CAMTA1: variants seen among roughly 807,000 people sequenced by gnomAD.
CAMTA1 encodes the protein calmodulin-binding transcription activator 1.
Under a neutral mutation model 170.9 loss-of-function variants are expected in CAMTA1, and 27 were observed. The observed-to-expected ratio is 0.16, with a 90% CI of 0.12 to 0.22. CAMTA1 has a LOEUF of 0.22. CAMTA1 is among the 10% of genes least tolerant of loss of function. The pLI is 1.00. For missense variants in CAMTA1, 1,619 were observed against 2,217.2 expected, an observed-to-expected ratio of 0.73 and a Z score of 5.42; for synonymous variants, 833 against 891.5, an observed-to-expected ratio of 0.93 and a Z score of 1.17.
At chr1:7,080,936 G>A (rs1053759629) in intron 3 of CAMTA1, among the ~76,000 whole-genome samples, 7 of 152,198 alleles carry the variant, frequency 4.6e-5, no homozygotes, top group African/African-American at 1.7e-4. Flanking sequence ...CTATCTCTAG[G>A]CTGAGGAAAA....
chr1:7,603,526 A>G (rs932233863), intron 6 of CAMTA1, among the ~76,000 whole-genome samples: 12 of 151,642 alleles, frequency 7.9e-5, no homozygotes, highest in Admixed American at 6.6e-4. Context: ...TTTGTTTTCC[A>G]TTTGCTTGGT....
intron 1 of CAMTA1, among the ~76,000 whole-genome samples, chr1:6,802,007 G>A (rs1643903637): frequency 6.6e-6 from 1 of 152,202 alleles, no homozygotes. Flanking sequence ...AAGGTAAGCA[G>A]GCCGTGCTTT....
At chr1:7,024,248 G>A (rs916191638) in intron 3 of CAMTA1, among the ~76,000 whole-genome samples, 3 of 152,102 alleles carry the variant, frequency 2.0e-5, no homozygotes, top group African/African-American at 4.8e-5. Context: ...AAAGACAGAC[G>A]TAAGCCTTCC....
chr1:6,875,699 G>A (rs1427368932), intron 3 of CAMTA1, among the ~76,000 whole-genome samples: 1 of 151,954 alleles, frequency 6.6e-6, no homozygotes, highest in Admixed American at 6.6e-5. Context: ...TCACTTTTAG[G>A]GACTCTTATT....
Position 7,113,601 on chromosome 1 carries a change from G to T in CAMTA1, c.302+22230G>T, listed in dbSNP as rs1573166908. Among the ~76,000 whole-genome samples the T allele has an allele frequency of 6.6e-6, 1 of 152,230 alleles. No homozygotes were observed. The highest frequency in any genetic ancestry group is 1.9e-4 in the East Asian group (1 of 5,206). On this transcript the variant is annotated intron_variant, in intron 4 of 22. Coordinates refer to ENST00000303635, the MANE Select transcript of CAMTA1 (RefSeq NM_015215.4). This position sits in a 1 kb window ranked among gnomAD's most constrained non-coding sequence, Gnocchi z 4.5. ...ACATCATAAGAGAGTTAAAGAGTTT[G>T]TGGCATTTTAAATGCTTTATAGATT... is the stretch of plus-strand genomic sequence containing the variant.
chr1:7,398,217 A>T (rs1296315779), intron 5 of CAMTA1, among the ~76,000 whole-genome samples: 8 of 120,344 alleles, frequency 6.6e-5, no homozygotes, highest in Non-Finnish European at 1.4e-4. Flanking sequence ...ATATATATAT[A>T]TATATATATA....
chr1:6,995,119 T>A (rs937901688), intron 3 of CAMTA1, among the ~76,000 whole-genome samples: 5 of 151,960 alleles, frequency 3.3e-5, no homozygotes, highest in African/African-American at 1.2e-4. Flanking sequence ...TTTGTTTTTT[T>A]AAAAAAATAA....
At chr1:7,578,969 G>A (rs2095231048) in intron 6 of CAMTA1, among the ~76,000 whole-genome samples, 1 of 152,154 alleles carries the variant, frequency 6.6e-6, no homozygotes, top group Non-Finnish European at 1.5e-5. Flanking sequence ...CCATCCCCGT[G>A]GGAGGCTCTC....
intron 3 of CAMTA1, among the ~76,000 whole-genome samples, chr1:6,997,762 G>A (rs1697543811): frequency 1.3e-5 from 2 of 148,532 alleles, no homozygotes; most frequent in Admixed American, 1.4e-4. Flanking sequence ...CCGGGTTCAA[G>A]CGATTCTCCT....
intron 22 of CAMTA1, among the ~76,000 whole-genome samples, chr1:7,756,009 A>C (rs576701858): frequency 4.7e-4 from 71 of 152,344 alleles, no homozygotes; most frequent in Middle Eastern, 3.4e-3. Flanking sequence ...CGTTATACGA[A>C]AACATTCAGC....
At chr1:6,907,788 G>A (rs1169360331) in intron 3 of CAMTA1, among the ~76,000 whole-genome samples, 2 of 152,280 alleles carry the variant, frequency 1.3e-5, no homozygotes, top group Non-Finnish European at 1.5e-5. Context: ...GTCAGCCCTC[G>A]GTGGGGCCCT....
chr1:7,717,355 C>T (rs2995026), intron 11 of CAMTA1, among the ~76,000 whole-genome samples: 11,143 of 152,218 alleles, frequency 0.073, 583 homozygotes, highest in Non-Finnish European at 0.11. Flanking sequence ...CTATGTAGTA[C>T]ATTTGTTAAT....
At chr1:6,872,138 A>G (rs1256530604) in intron 3 of CAMTA1, 2 of 309,542 alleles carry the variant, frequency 6.5e-6, no homozygotes, top group Middle Eastern at 1.5e-3. Flanking sequence ...ATATTTACGT[A>G]TAACTTACAC....
Position 7,041,158 on chromosome 1 carries a change from C to T in CAMTA1, c.235-50146C>T, listed in dbSNP as rs577638645. ...CCTAAAAGTTGGCCCCAAGCCAGTG[C>T]GGGCGACGGTGTCAGCCACCCTTGG... On this transcript the variant is annotated intron_variant, in intron 3 of 22. Coordinates refer to ENST00000303635, the MANE Select transcript of CAMTA1 (RefSeq NM_015215.4). This position sits in a 1 kb window ranked among gnomAD's most constrained non-coding sequence, Gnocchi z 5.1. 6.6e-6 allele frequency among the ~76,000 whole-genome samples: 1 copy of T among 152,240 alleles called. No homozygotes were observed. Among genetic ancestry groups the T allele is most frequent in the South Asian group, 2.1e-4 (1 of 4,838 alleles).
chr1:7,436,655 G>C (rs758377200), intron 5 of CAMTA1, among the ~76,000 whole-genome samples: 1 of 152,196 alleles, frequency 6.6e-6, no homozygotes, highest in Non-Finnish European at 1.5e-5. Flanking sequence ...GCAGTTGAAG[G>C]CTGGTTCCTG....
rs191169727 is a variant in CAMTA1, at chr1:6,847,261, T to A, written c.234+22051T>A. Among the ~76,000 whole-genome samples, 790 of 152,204 alleles carry A rather than the reference T, an allele frequency of 5.2e-3. 7 individuals carry two copies. The highest frequency in any genetic ancestry group is 0.017 in the African/African-American group (724 of 41,508). Reference sequence around the variant, plus strand: ...CTCAAGTGAAGGATGGATTTTTTTTTTAAAAATGACACTAAAGCTGTATTT... The same window carrying A: ...CTCAAGTGAAGGATGGATTTTTTTTATAAAAATGACACTAAAGCTGTATTT... On this transcript the variant is annotated intron_variant, in intron 3 of 22. Coordinates refer to ENST00000303635, the MANE Select transcript of CAMTA1 (RefSeq NM_015215.4).
At position 6,887,620 on chromosome 1, in the gene CAMTA1, C is replaced by T. The variant is rs1049917758; in HGVS notation, c.234+62410C>T. 2.9e-5 allele frequency: 45 copies of T among 1,530,426 alleles called. No homozygotes were observed. In the Middle Eastern group the frequency reaches 5.0e-4, roughly 17 times the overall value. 94.8% of individuals were successfully genotyped at this position (1,530,426 alleles called of 1,614,324 possible). On this transcript the variant is annotated intron_variant, in intron 3 of 22. Transcript: ENST00000303635. The surrounding 1 kb of genome is among the most constrained non-coding windows in gnomAD (Gnocchi z 4.1). Reference sequence around the variant, plus strand: ...CAGTTAAAAACAGAAATAGAAGCGACGGTTTTGACCCATTTTACACCTATT... The same window carrying T: ...CAGTTAAAAACAGAAATAGAAGCGATGGTTTTGACCCATTTTACACCTATT...
chr1:7,033,097 T>G (rs1222564225), intron 3 of CAMTA1, among the ~76,000 whole-genome samples: 1 of 152,206 alleles, frequency 6.6e-6, no homozygotes, highest in Admixed American at 6.5e-5. Context: ...GATTTATAGT[T>G]TTATCAAATT....
chr1:6,962,893 T>G (rs962345737), intron 3 of CAMTA1, among the ~76,000 whole-genome samples: 1 of 134,584 alleles, frequency 7.4e-6, no homozygotes, highest in African/African-American at 2.8e-5. Context: ...CCTCCATCCC[T>G]TTTGGTCCCT....
Sources: gnomAD v4.1 joint callset for allele counts (sites outside exome capture counted in the v4.1 genomes callset) on GRCh38, gnomAD v4.1.1 for gene constraint, Gnocchi (gnomAD v3.1) non-coding constraint, MANE v1.5 for transcripts, NCBI Gene and HGNC (gene_info 2026-07-23, HGNC 2026-07-21) for gene names.